The following NEGR1 variants were observed in gnomAD, a reference collection of about 807,000 sequenced individuals.
The protein encoded by NEGR1 is IgLON family member 4.
In NEGR1, 10 loss-of-function variants were observed where a neutral mutation model predicts 40.9. The observed-to-expected ratio is 0.24, with a 90% CI of 0.15 to 0.42. NEGR1 has a LOEUF of 0.42. Ranked by LOEUF, NEGR1 falls within the 10% of genes least tolerant of loss-of-function variation. NEGR1 has a pLI of 1.00. For synonymous variants in NEGR1, 185 were observed against 166.8 expected (o/e 1.11, Z -0.84); for missense variants, 352 against 438.9 (o/e 0.80, Z 1.77).
chr1:72,006,527 A>G (rs1487478611), intron 1 of NEGR1, among the ~76,000 whole-genome samples: 1 of 152,168 alleles, frequency 6.6e-6, no homozygotes, highest in Non-Finnish European at 1.5e-5. Flanking sequence ...GCTGCTTAGG[A>G]TATTCGGAAA....
At chr1:71,626,021 A>G (rs1357778285) in intron 4 of NEGR1, among the ~76,000 whole-genome samples, 2 of 151,852 alleles carry the variant, frequency 1.3e-5, no homozygotes, top group African/African-American at 4.8e-5. Context: ...TGAGGAATGT[A>G]AGCTGCATGC....
At chr1:71,736,576 T>C (rs1402948936) in intron 3 of NEGR1, among the ~76,000 whole-genome samples, 1 of 152,182 alleles carries the variant, frequency 6.6e-6, no homozygotes, top group Non-Finnish European at 1.5e-5. Flanking sequence ...ATTTCCTATC[T>C]GAGCCAGCAA....
At chr1:71,806,394 A>T (rs958724638) in intron 2 of NEGR1, among the ~76,000 whole-genome samples, 15 of 152,078 alleles carry the variant, frequency 9.9e-5, no homozygotes, top group Non-Finnish European at 2.9e-5. Flanking sequence ...GATAACAAAG[A>T]TTTTTAATAC....
At chr1:71,849,827 TA>T (rs1285652885) in intron 2 of NEGR1, among the ~76,000 whole-genome samples, 1 of 152,160 alleles carries the variant, frequency 6.6e-6, no homozygotes, top group African/African-American at 2.4e-5. Context: ...TTTTTAGCAA[TA>T]TAGTATTTTT....
Position 71,705,857 on chromosome 1 carries a change from G to GAGGA in NEGR1, c.536-7722_536-7719dup, listed in dbSNP as rs368065040. Among the ~76,000 whole-genome samples, 826 of 151,432 alleles carry GAGGA rather than the reference G, an allele frequency of 5.5e-3. 9 individuals carry two copies. The highest frequency in any genetic ancestry group is 0.018 in the African/African-American group (736 of 41,300). On this transcript the variant is annotated intron_variant, in intron 3 of 6. Transcript: ENST00000357731. ...GAAAGAGAGAGAGAAGGAAGGAAGA[G>GAGGA]AGGAAGGAAGGAAGGAAGGAAGCAA...
intron 1 of NEGR1, among the ~76,000 whole-genome samples, chr1:72,105,484 G>T (rs1334366426): frequency 6.6e-6 from 1 of 152,034 alleles, no homozygotes; most frequent in Admixed American, 6.6e-5. Flanking sequence ...CAGGAGGATT[G>T]CTTGGGCCCA....
chr1:71,440,581 T>C (rs1646540794), intron 6 of NEGR1, among the ~76,000 whole-genome samples: 1 of 152,220 alleles, frequency 6.6e-6, no homozygotes, highest in Admixed American at 6.5e-5. Flanking sequence ...GAAAGGATAC[T>C]ACTGATTCCT....
chr1:71,532,405 A>G (rs1322424238), intron 6 of NEGR1, among the ~76,000 whole-genome samples: 1 of 151,596 alleles, frequency 6.6e-6, no homozygotes, highest in Non-Finnish European at 1.5e-5. Context: ...ATCTCCTACT[A>G]TAATATTGCA....
rs568360924 is a variant in NEGR1 at position 71,408,253 on chromosome 1, G to C, written c.941-683C>G. Among the ~76,000 whole-genome samples the C allele has an allele frequency of 2.5e-4, 38 of 152,170 alleles. No individual in the cohort carries two copies. In the South Asian group the frequency reaches 7.5e-3, roughly 30 times the overall value. On this transcript the variant is annotated intron_variant, in intron 6 of 6. Transcript: ENST00000357731. ...GTGTGTCGTATAGAATATAAAGGTA[G>C]ATTTAGTCTTGCTGGACCATGAAGT...
intron 2 of NEGR1, among the ~76,000 whole-genome samples, chr1:71,841,083 T>C (rs1349333198): frequency 1.3e-5 from 2 of 152,016 alleles, no homozygotes; most frequent in Non-Finnish European, 2.9e-5. Flanking sequence ...TCTCTATATA[T>C]ATACACATCC....
intron 6 of NEGR1, among the ~76,000 whole-genome samples, chr1:71,434,744 G>T (rs1328991300): frequency 2.0e-5 from 3 of 152,136 alleles, no homozygotes; most frequent in Non-Finnish European, 2.9e-5. Flanking sequence ...GTGGTTGGCT[G>T]CCACTTCAAG....
intron 1 of NEGR1, among the ~76,000 whole-genome samples, chr1:72,186,004 G>A (rs1389537480): frequency 2.0e-5 from 3 of 151,666 alleles, no homozygotes; most frequent in Non-Finnish European, 4.4e-5. Context: ...TATAAAATGA[G>A]TTTCCAGATT....
intron 4 of NEGR1, among the ~76,000 whole-genome samples, chr1:71,687,232 C>T (rs1178708329): frequency 2.6e-5 from 4 of 152,130 alleles, no homozygotes; most frequent in Admixed American, 6.5e-5. Context: ...ATAATTGCCA[C>T]CAAACTGCTT....
At position 71,771,134 on chromosome 1, in the gene NEGR1, G is replaced by A. The variant is rs539726918; in HGVS notation, c.535+5038C>T. ...TACTATGCAGCCATAAAAAAGATGA[G>A]TTAATGTCCTTTGCAGGGACATGGA... On this transcript the variant is annotated intron_variant, in intron 3 of 6. Coordinates refer to ENST00000357731, the MANE Select transcript of NEGR1 (RefSeq NM_173808.3). Among the ~76,000 whole-genome samples, 18 of 152,274 alleles carry A rather than the reference G, an allele frequency of 1.2e-4. No homozygotes were observed. In the South Asian group the frequency reaches 3.7e-3, roughly 32 times the overall value.
At chr1:72,239,794 T>C (rs1329013867) in intron 1 of NEGR1, among the ~76,000 whole-genome samples, 2 of 151,736 alleles carry the variant, frequency 1.3e-5, no homozygotes, top group African/African-American at 4.8e-5. Flanking sequence ...AAAAATTGAA[T>C]GAGAAAAATC....
rs548669813 is a variant in NEGR1 at position 71,397,908 on chromosome 1, A to G, written c.*9538T>C. Reference sequence around the variant, plus strand: ...AGGGTCCCTCTGCTATGTGCAGTCTAGGAACTTGGTGCTCTGCCTCCCAGT... The same window carrying G: ...AGGGTCCCTCTGCTATGTGCAGTCTGGGAACTTGGTGCTCTGCCTCCCAGT... On this transcript the variant is annotated 3_prime_UTR_variant, in exon 7 of 7. Coordinates refer to ENST00000357731, the MANE Select transcript of NEGR1 (RefSeq NM_173808.3). The G allele has an allele frequency of 6.6e-6, 1 of 152,390 alleles. No homozygotes were observed. The highest frequency in any genetic ancestry group is 6.5e-5 in the Admixed American group (1 of 15,304). The allele number at this position is 152,390 out of a possible 1,614,324, so 9.4% of individuals were successfully genotyped here.
chr1:71,427,625 G>A (rs1392722518), intron 6 of NEGR1, among the ~76,000 whole-genome samples: 1 of 151,450 alleles, frequency 6.6e-6, no homozygotes, highest in Non-Finnish European at 1.5e-5. Flanking sequence ...TTTAAAAAAT[G>A]AGAGTAAGAA....
intron 6 of NEGR1, among the ~76,000 whole-genome samples, chr1:71,425,457 C>G (rs772049129): frequency 3.7e-4 from 56 of 152,268 alleles, no homozygotes; most frequent in Non-Finnish European, 4.3e-4. Context: ...AAAACAAATG[C>G]TCCAGAGACT....
intron 1 of NEGR1, among the ~76,000 whole-genome samples, chr1:72,101,518 C>A (rs1648936513): frequency 6.6e-6 from 1 of 151,998 alleles, no homozygotes. Context: ...CAATTTTGCA[C>A]CAAATAAAAT....
Sources: gnomAD v4.1 joint callset for allele counts (sites outside exome capture counted in the v4.1 genomes callset) on GRCh38, gnomAD v4.1.1 for gene constraint, MANE v1.5 for transcripts, NCBI Gene and HGNC (gene_info 2026-07-23, HGNC 2026-07-21) for gene names.